Variants in CMTM4 observed in about 807,000 individuals in gnomAD.
The protein encoded by CMTM4 is CKLF like MARVEL transmembrane domain containing 4.
In CMTM4, 8 loss-of-function variants were observed where a neutral mutation model predicts 19.0. That is an observed-to-expected ratio of 0.42 (90% CI 0.25 to 0.76). CMTM4 has a LOEUF of 0.76. Ranked by LOEUF, CMTM4 falls within the 30% of genes least tolerant of loss-of-function variation. The pLI is 0.27. For synonymous variants in CMTM4, 106 were observed against 121.1 expected, an observed-to-expected ratio of 0.88 and a Z score of 0.82; for missense variants, 228 against 290.2, an observed-to-expected ratio of 0.79 and a Z score of 1.56.
Position 66,616,397 on chromosome 16 carries a change from TAGAG to T in CMTM4, c.*5657_*5660del, listed in dbSNP as rs1413784916. ...ATAGTTTCAATTCCTACCATTCTCT[TAGAG>T]GGAACCACGTCAAACAAAATCAAGT... On this transcript the variant is annotated 3_prime_UTR_variant, in exon 4 of 4. Coordinates refer to ENST00000394106, the MANE Select transcript of CMTM4 (RefSeq NM_181521.3). The T allele has an allele frequency of 6.6e-6, 1 of 152,188 alleles. No homozygotes were observed. The highest frequency in any genetic ancestry group is 2.4e-5 in the African/African-American group (1 of 41,442). 9.4% of individuals were successfully genotyped at this position (152,188 alleles called of 1,614,324 possible). A position where few individuals can be genotyped will look rare whatever the true frequency, so the allele number is the denominator to read the frequency against.
chr16:66,624,635 C>T (rs1200074014), intron 2 of CMTM4, among the ~76,000 whole-genome samples: 3 of 152,184 alleles, frequency 2.0e-5, no homozygotes, highest in Admixed American at 2.0e-4. Flanking sequence ...GGCATGGTGG[C>T]GCATGCCTGT....
At chr16:66,672,924 C>CTTTTT (rs150720178) in intron 1 of CMTM4, among the ~76,000 whole-genome samples, 2 of 107,940 alleles carry the variant, frequency 1.9e-5, no homozygotes, top group Non-Finnish European at 3.7e-5. Context: ...CTGCGCCTGG[C>CTTTTT]TTTTTTTTTT....
intron 1 of CMTM4, among the ~76,000 whole-genome samples, chr16:66,651,410 C>T (rs942856764): frequency 1.3e-5 from 2 of 152,168 alleles, no homozygotes; most frequent in South Asian, 2.1e-4. Flanking sequence ...CGAATAACAA[C>T]GGCTTCCATT....
chr16:66,643,541 G>GT (rs1278026013), intron 1 of CMTM4, among the ~76,000 whole-genome samples: 1 of 152,180 alleles, frequency 6.6e-6, no homozygotes, highest in Non-Finnish European at 1.5e-5. Flanking sequence ...GCATAAAATT[G>GT]TAAGTACAGA....
intron 2 of CMTM4, among the ~76,000 whole-genome samples, chr16:66,634,354 C>T (rs2015947571): frequency 6.6e-6 from 1 of 151,830 alleles, no homozygotes; most frequent in Middle Eastern, 3.4e-3. Context: ...GCAGGAGAAT[C>T]GCTTGAACCC....
intron 1 of CMTM4, among the ~76,000 whole-genome samples, chr16:66,660,866 C>A (rs1174630686): frequency 1.3e-5 from 2 of 152,182 alleles, no homozygotes; most frequent in East Asian, 3.8e-4. Context: ...TCTTCCCTCT[C>A]CTGCTCGCTG....
intron 2 of CMTM4, among the ~76,000 whole-genome samples, chr16:66,626,532 G>A (rs1041697184): frequency 6.6e-6 from 1 of 152,216 alleles, no homozygotes; most frequent in Non-Finnish European, 1.5e-5. Context: ...CTAGAGGCCA[G>A]GGGGCGGAGA....
At position 66,615,465 on chromosome 16, in the gene CMTM4, TG is replaced by T. The variant is rs1187873743; in HGVS notation, c.*6592del. 1 of 152,238 alleles carries T rather than the reference TG, an allele frequency of 6.6e-6. No homozygotes were observed. Among genetic ancestry groups the T allele is most frequent in the Non-Finnish European group, 1.5e-5 (1 of 68,064 alleles). The allele number at this position is 152,238 out of a possible 1,614,324, so 9.4% of individuals were successfully genotyped here. A position where few individuals can be genotyped will look rare whatever the true frequency, so the allele number is the denominator to read the frequency against. On this transcript the variant is annotated 3_prime_UTR_variant, in exon 4 of 4. Coordinates refer to ENST00000394106, the MANE Select transcript of CMTM4 (RefSeq NM_181521.3). The surrounding 1 kb of genome is among the most constrained non-coding windows in gnomAD (Gnocchi z 4.9). ...AAGGAGCCGGTGAAGAGTACGTGTC[TG>T]TGTCTTGGTGTCATCTAGCTCCTCA...
At chr16:66,640,848 T>C (rs2016086880) in intron 1 of CMTM4, among the ~76,000 whole-genome samples, 1 of 152,066 alleles carries the variant, frequency 6.6e-6, no homozygotes, top group South Asian at 2.1e-4. Flanking sequence ...TGGAGAGGTA[T>C]AGGTGCCAAG....
intron 1 of CMTM4, among the ~76,000 whole-genome samples, chr16:66,647,703 T>C (rs999190501): frequency 2.0e-5 from 3 of 152,068 alleles, no homozygotes; most frequent in Non-Finnish European, 2.9e-5. Flanking sequence ...CAAACTATTG[T>C]TCTTTCTTTT....
chr16:66,664,909 C>T (rs888807367), intron 1 of CMTM4, among the ~76,000 whole-genome samples: 3 of 151,946 alleles, frequency 2.0e-5, no homozygotes, highest in South Asian at 4.2e-4. Context: ...AGGAGGATTG[C>T]CTTGAGGCCA....
At position 66,617,495 on chromosome 16, in the gene CMTM4, T is replaced by C; in HGVS notation, c.*4563A>G. ...AAAGAGTGTACAAAATGCCACTCAC[T>C]TGCATGAAGAAGAATTAAACAGAAC... is the stretch of plus-strand genomic sequence containing the variant. On this transcript the variant is annotated 3_prime_UTR_variant, in exon 4 of 4. Coordinates refer to ENST00000394106, the MANE Select transcript of CMTM4 (RefSeq NM_181521.3). 7.0e-7 allele frequency: 1 copy of C among 1,425,028 alleles called. No homozygotes were observed. Among genetic ancestry groups the C allele is most frequent in the Non-Finnish European group, 9.1e-7 (1 of 1,092,966 alleles). The allele number at this position is 1,425,028 out of a possible 1,614,324, so 88.3% of individuals were successfully genotyped here. A position where few individuals can be genotyped will look rare whatever the true frequency, so the allele number is the denominator to read the frequency against.
chr16:66,640,665 C>CCTTG (rs1327425238), intron 1 of CMTM4, among the ~76,000 whole-genome samples: 4 of 152,144 alleles, frequency 2.6e-5, no homozygotes, highest in African/African-American at 9.7e-5. Context: ...GTGACAAGAC[C>CCTTG]CTTGCAACAA....
In CMTM4 at chr16:66,619,087, T is replaced by G. The variant is rs1030351145; in HGVS notation, c.*2971A>C. ...GACGAGATTTTAATCTGAAACTGCA[T>G]CTGTTCTTCCCAGCTTTATGTGGGG... On this transcript the variant is annotated 3_prime_UTR_variant, in exon 4 of 4. Coordinates refer to ENST00000394106, the MANE Select transcript of CMTM4 (RefSeq NM_181521.3). 4.1e-6 allele frequency: 4 copies of G among 985,510 alleles called. No homozygotes were observed. Among genetic ancestry groups the G allele is most frequent in the Non-Finnish European group, 4.8e-6 (4 of 829,950 alleles). 61.0% of individuals were successfully genotyped at this position (985,510 alleles called of 1,614,324 possible).
At chr16:66,642,792 T>C (rs2016119768) in intron 1 of CMTM4, among the ~76,000 whole-genome samples, 1 of 152,218 alleles carries the variant, frequency 6.6e-6, no homozygotes, top group African/African-American at 2.4e-5. Flanking sequence ...TGGCAAATTA[T>C]GATTGGCAGC....
intron 1 of CMTM4, among the ~76,000 whole-genome samples, chr16:66,648,709 C>T (rs2016252902): frequency 6.6e-6 from 1 of 151,580 alleles, no homozygotes; most frequent in African/African-American, 2.4e-5. Flanking sequence ...CGGTGGCTCA[C>T]GCCTGTCATC....
intron 1 of CMTM4, among the ~76,000 whole-genome samples, chr16:66,647,806 G>C (rs2144833572): frequency 6.6e-6 from 1 of 152,128 alleles, no homozygotes. Context: ...GAGTAGCTGG[G>C]ATTACAGGTG....
At chr16:66,638,842 AGAGT>A (rs777310987) in intron 1 of CMTM4, among the ~76,000 whole-genome samples, 1 of 152,162 alleles carries the variant, frequency 6.6e-6, no homozygotes, top group Non-Finnish European at 1.5e-5. Context: ...CCTGGGCGAC[AGAGT>A]GAGACTCCAT....
intron 1 of CMTM4, among the ~76,000 whole-genome samples, chr16:66,651,272 G>C (rs1291863052): frequency 1.3e-5 from 2 of 152,122 alleles, no homozygotes; most frequent in Non-Finnish European, 2.9e-5. Context: ...TGTTGAGATG[G>C]GGAGTTTTAA....
Sources: gnomAD v4.1 joint callset for allele counts (sites outside exome capture counted in the v4.1 genomes callset) on GRCh38, gnomAD v4.1.1 for gene constraint, Gnocchi (gnomAD v3.1) non-coding constraint, MANE v1.5 for transcripts, NCBI Gene and HGNC (gene_info 2026-07-23, HGNC 2026-07-21) for gene names.